The following IQSEC1 variants were observed in gnomAD, a reference collection of about 807,000 sequenced individuals.
IQSEC1 encodes the protein IQ motif and Sec7 domain ArfGEF 1, also known as IQ motif and SEC7 domain-containing protein 1.
In IQSEC1, 31 loss-of-function variants were observed where a neutral mutation model predicts 91.0. The ratio of observed to expected loss-of-function variants is 0.34; its 90% CI spans 0.26 to 0.46. The LOEUF (loss-of-function observed/expected upper bound fraction) is 0.46. Ranked by LOEUF, IQSEC1 falls within the 20% of genes least tolerant of loss-of-function variation. The pLI, the probability that IQSEC1 is intolerant of heterozygous loss-of-function variation, is 1.00. For synonymous variants in IQSEC1, 699 were observed against 662.6 expected (o/e 1.05, Z -0.84); for missense variants, 1,388 against 1,575.6 (o/e 0.88, Z 2.02).
chr3:13,051,923 T>A (rs893323346), intron 1 of IQSEC1, among the ~76,000 whole-genome samples: 8 of 152,160 alleles, frequency 5.3e-5, no homozygotes, highest in Non-Finnish European at 1.2e-4. Flanking sequence ...AACTGTTTAT[T>A]TTGAAATAAC....
At chr3:12,966,519 A>G (rs1700579307) in intron 1 of IQSEC1, among the ~76,000 whole-genome samples, 1 of 152,102 alleles carries the variant, frequency 6.6e-6, no homozygotes, top group African/African-American at 2.4e-5. Flanking sequence ...GAGGAAATCA[A>G]TATTCCCAGC....
chr3:13,253,071 G>C (rs1026838733), intron 1 of IQSEC1, among the ~76,000 whole-genome samples: 1 of 152,224 alleles, frequency 6.6e-6, no homozygotes, highest in South Asian at 2.1e-4. Flanking sequence ...ACCCTGGTGG[G>C]TGTGAGGTTG....
At chr3:12,916,923 T>G (rs541004100) in intron 6 of IQSEC1, among the ~76,000 whole-genome samples, 1 of 152,280 alleles carries the variant, frequency 6.6e-6, no homozygotes, top group African/African-American at 2.4e-5. Flanking sequence ...AAACCATTCC[T>G]GCATATGTGC....
At chr3:13,143,139 TG>T (rs1405289129) in intron 2 of IQSEC1, among the ~76,000 whole-genome samples, 1 of 152,242 alleles carries the variant, frequency 6.6e-6, no homozygotes, top group African/African-American at 2.4e-5. Flanking sequence ...TGTCAGCTCC[TG>T]GAGGACAGGA....
chr3:13,238,201 C>T (rs1694965077), intron 1 of IQSEC1, among the ~76,000 whole-genome samples: 1 of 152,214 alleles, frequency 6.6e-6, no homozygotes, highest in Admixed American at 6.5e-5. Context: ...GCGGTCACCG[C>T]CCTCCACCTG....
rs1260051835 is a variant in IQSEC1 at position 12,915,607 on chromosome 3, A to C, written c.2147T>G (p.Val716Gly). The C allele has an allele frequency of 6.2e-7, 1 of 1,614,032 alleles. No homozygotes were observed. Residue 716 changes from valine (V) to glycine (G), a missense_variant, in exon 7 of 14, where the codon GTG (valine) becomes GGG (glycine). Val to Gly is a moderately radical substitution (Grantham distance 109, BLOSUM62 -3). Coordinates refer to ENST00000613206, the MANE Select transcript of IQSEC1 (RefSeq NM_001134382.3). ...CCCATCACATACCGGCTTTTTCCCCACAATGAGCTTCTCCACCTTCTGCAC... is the reference window on the plus strand; with the variant it reads ...CCCATCACATACCGGCTTTTTCCCCCCAATGAGCTTCTCCACCTTCTGCAC... ...SQVQKVEKLI[V>G]GKKPIGSLHP...
At chr3:13,192,225 C>G (rs1048326073) in intron 1 of IQSEC1, among the ~76,000 whole-genome samples, 6 of 151,838 alleles carry the variant, frequency 4.0e-5, no homozygotes, top group African/African-American at 1.5e-4. Context: ...GTAGTCCCAG[C>G]TACTCAGGAG....
At chr3:13,094,627 C>T (rs1705924081) in intron 2 of IQSEC1, among the ~76,000 whole-genome samples, 1 of 152,176 alleles carries the variant, frequency 6.6e-6, no homozygotes, top group African/African-American at 2.4e-5. Flanking sequence ...CTGCTTCCAC[C>T]ATTCCCCTCA....
At chr3:12,973,445 G>A (rs536498755) in intron 1 of IQSEC1, among the ~76,000 whole-genome samples, 2 of 152,244 alleles carry the variant, frequency 1.3e-5, no homozygotes, top group South Asian at 4.1e-4. Flanking sequence ...CCTTACTTAA[G>A]ACTGTGGGCA....
At chr3:12,987,524 T>C (rs1189614004) in intron 1 of IQSEC1, among the ~76,000 whole-genome samples, 1 of 152,224 alleles carries the variant, frequency 6.6e-6, no homozygotes. Context: ...AACGAGAATC[T>C]TCATGATTAC....
chr3:13,062,254 G>A (rs1255692011), intron 1 of IQSEC1, among the ~76,000 whole-genome samples: 2 of 151,986 alleles, frequency 1.3e-5, no homozygotes, highest in African/African-American at 4.8e-5. Flanking sequence ...GTCCTAGCAC[G>A]TCCTGAAGCC....
intron 1 of IQSEC1, among the ~76,000 whole-genome samples, chr3:12,997,587 G>T (rs923601945): frequency 5.3e-5 from 8 of 152,160 alleles, no homozygotes; most frequent in African/African-American, 1.9e-4. Context: ...ACACAACCTA[G>T]ATGGCACAGC....
intron 1 of IQSEC1, among the ~76,000 whole-genome samples, chr3:13,281,832 A>G (rs1326336080): frequency 6.6e-6 from 1 of 152,190 alleles, no homozygotes; most frequent in Non-Finnish European, 1.5e-5. Context: ...GCCCCGGGTG[A>G]TCCCGAAGAC....
At chr3:12,957,083 G>A (rs1013551001) in intron 1 of IQSEC1, among the ~76,000 whole-genome samples, 4 of 152,264 alleles carry the variant, frequency 2.6e-5, no homozygotes, top group African/African-American at 7.2e-5. Context: ...CCAGCCCAGC[G>A]CCAAATTAAG....
chr3:13,056,713 T>G (rs1284373231), intron 1 of IQSEC1, among the ~76,000 whole-genome samples: 6 of 152,092 alleles, frequency 3.9e-5, no homozygotes, highest in Non-Finnish European at 8.8e-5. Flanking sequence ...CCTCCCAACC[T>G]CAGGATGGAG....
chr3:12,917,658 G>C (rs1696230321), intron 6 of IQSEC1, among the ~76,000 whole-genome samples: 1 of 152,150 alleles, frequency 6.6e-6, no homozygotes, highest in Admixed American at 6.5e-5. Context: ...AGGACGTCTG[G>C]TGGTTGCCAC....
At chr3:13,221,071 A>G (rs546842603) in intron 1 of IQSEC1, among the ~76,000 whole-genome samples, 1 of 152,328 alleles carries the variant, frequency 6.6e-6, no homozygotes, top group South Asian at 2.1e-4. Flanking sequence ...AGGGGAGGCC[A>G]GGGCTCATAA....
At chr3:13,268,671 G>A (rs1695540603) in intron 1 of IQSEC1, among the ~76,000 whole-genome samples, 1 of 152,230 alleles carries the variant, frequency 6.6e-6, no homozygotes, top group Non-Finnish European at 1.5e-5. Flanking sequence ...AATCTTAATT[G>A]TACACGTTTT....
At chr3:13,222,670 G>A (rs1376929875) in intron 1 of IQSEC1, among the ~76,000 whole-genome samples, 1 of 152,228 alleles carries the variant, frequency 6.6e-6, no homozygotes, top group South Asian at 2.1e-4. Flanking sequence ...TGGGGGCCAA[G>A]CTCGGTGGTA....
Sources: gnomAD v4.1 joint callset for allele counts (sites outside exome capture counted in the v4.1 genomes callset) on GRCh38, gnomAD v4.1.1 for gene constraint, MANE v1.5 for transcripts, NCBI Gene and HGNC (gene_info 2026-07-23, HGNC 2026-07-21) for gene names.